Variants in STK3 observed in about 807,000 individuals in gnomAD.
STK3 encodes serine/threonine kinase 3, also known as serine/threonine-protein kinase 3.
Under a neutral mutation model 58.0 loss-of-function variants are expected in STK3, and 41 were observed. The observed-to-expected ratio is 0.71, with a 90% confidence interval of 0.55 to 0.92. The LOEUF (loss-of-function observed/expected upper bound fraction) is 0.92, where lower values mean the gene tolerates loss of function less well. Ranked by LOEUF, STK3 falls within the 40% of genes least tolerant of loss-of-function variation. The pLI, the probability that STK3 is intolerant of heterozygous loss-of-function variation, is 0.00. For missense variants in STK3, 479 were observed against 602.7 expected (o/e 0.79, Z 2.15); for synonymous variants, 170 against 191.0 (o/e 0.89, Z 0.91).
chr8:98,407,769 C>CGT (rs1396083289), intron 3 of STK3, among the ~76,000 whole-genome samples: 3 of 151,258 alleles, frequency 2.0e-5, no homozygotes, highest in Admixed American at 6.6e-5. Flanking sequence ...CGCGCGCGCG[C>CGT]GCATGCATGG....
At chr8:98,906,915 A>T (rs1838925332) in intron 1 of STK3, among the ~76,000 whole-genome samples, 1 of 151,792 alleles carries the variant, frequency 6.6e-6, no homozygotes, top group African/African-American at 2.4e-5. Flanking sequence ...TGGGAGACTA[A>T]GGAGGGAGGA....
intron 3 of STK3, among the ~76,000 whole-genome samples, chr8:98,433,973 C>A (rs917470778): frequency 7.2e-5 from 11 of 152,192 alleles, no homozygotes. Flanking sequence ...AATAAGATCC[C>A]ATTCGACTTC....
intron 10 of STK3, among the ~76,000 whole-genome samples, chr8:98,485,687 C>A (rs1032089062): frequency 2.6e-5 from 4 of 152,024 alleles, no homozygotes; most frequent in African/African-American, 9.7e-5. Context: ...CAAGTAAAGA[C>A]AAAGAAGTAG....
chr8:98,869,396 G>A (rs1837280336), intron 3 of STK3, among the ~76,000 whole-genome samples: 1 of 152,086 alleles, frequency 6.6e-6, no homozygotes, highest in African/African-American at 2.4e-5. Context: ...ACTCCATCCT[G>A]GGCAACAGAG....
the STK3 span, among the ~76,000 whole-genome samples, chr8:98,347,934 G>A: frequency 2.6e-5 from 4 of 152,234 alleles, no homozygotes; most frequent in South Asian, 6.2e-4. Flanking sequence ...TATATGGAGA[G>A]GCAAAAGACC....
intron 10 of STK3, among the ~76,000 whole-genome samples, chr8:98,490,515 C>T (rs1161682181): frequency 2.0e-5 from 3 of 152,152 alleles, no homozygotes; most frequent in African/African-American, 4.8e-5. Context: ...ACAGCTGCAT[C>T]GTATCAGTCT....
chr8:98,654,598 C>T (rs966576748), intron 6 of STK3, among the ~76,000 whole-genome samples: 1 of 152,054 alleles, frequency 6.6e-6, no homozygotes, highest in African/African-American at 2.4e-5. Flanking sequence ...TTGTGTTAGC[C>T]CAAAATCTCC....
chr8:98,622,011 C>G (rs1216278144), intron 6 of STK3, among the ~76,000 whole-genome samples: 1 of 151,148 alleles, frequency 6.6e-6, no homozygotes, highest in African/African-American at 2.4e-5. Flanking sequence ...CGCCTGTAAT[C>G]CCAGTACTTT....
chr8:98,646,923 CG>C (rs1820440628), intron 6 of STK3, among the ~76,000 whole-genome samples: 1 of 152,112 alleles, frequency 6.6e-6, no homozygotes, highest in African/African-American at 2.4e-5. Flanking sequence ...TTGCCCACCC[CG>C]CCCCCACAAT....
At chr8:98,539,811 T>C (rs1425482142) in intron 9 of STK3, among the ~76,000 whole-genome samples, 1 of 152,198 alleles carries the variant, frequency 6.6e-6, no homozygotes, top group African/African-American at 2.4e-5. Flanking sequence ...TGGAGTGCTG[T>C]TGCGGGATCT....
chr8:98,511,234 T>G (rs1026080008), intron 10 of STK3, among the ~76,000 whole-genome samples: 1 of 151,992 alleles, frequency 6.6e-6, no homozygotes, highest in Admixed American at 6.6e-5. Flanking sequence ...TTTTTGAATT[T>G]GAATCACTTC....
downstream of STK3, among the ~76,000 whole-genome samples, chr8:98,369,295 T>A (rs545648273): frequency 3.4e-4 from 52 of 152,354 alleles, 1 homozygote; most frequent in Admixed American, 3.4e-3. Context: ...CCTATCCTAT[T>A]GCTGAAGCCT....
chr8:98,389,549 G>A (rs1817826714), upstream of STK3, among the ~76,000 whole-genome samples: 1 of 152,104 alleles, frequency 6.6e-6, no homozygotes, highest in Non-Finnish European at 1.5e-5. Context: ...AAGGGCATGG[G>A]TGGTGCTAGC....
chr8:98,892,500 T>C (rs1337168073), intron 1 of STK3, among the ~76,000 whole-genome samples: 1 of 152,202 alleles, frequency 6.6e-6, no homozygotes, highest in African/African-American at 2.4e-5. Flanking sequence ...GCTCTGGCCA[T>C]GGCTGACCAC....
chr8:98,375,537 C>T (rs1002486792), intron 2 of STK3, among the ~76,000 whole-genome samples: 2 of 152,208 alleles, frequency 1.3e-5, no homozygotes, highest in African/African-American at 4.8e-5. Flanking sequence ...AAAAGCCCTG[C>T]TGTGCCCTTC....
intron 6 of STK3, among the ~76,000 whole-genome samples, chr8:98,626,640 A>T (rs1485807332): frequency 6.6e-6 from 1 of 152,250 alleles, no homozygotes. Context: ...GCAAATATGA[A>T]GAAATAATTT....
intron 6 of STK3, among the ~76,000 whole-genome samples, chr8:98,603,062 T>C (rs1405282472): frequency 1.3e-5 from 2 of 152,068 alleles, no homozygotes; most frequent in Non-Finnish European, 2.9e-5. Context: ...AATCACAAGG[T>C]TAGCTCTGGG....
chr8:98,584,410 C>A (rs1414277388), intron 7 of STK3, among the ~76,000 whole-genome samples: 1 of 151,878 alleles, frequency 6.6e-6, no homozygotes, highest in Admixed American at 6.6e-5. Context: ...CATCCATGTT[C>A]CTACAAAGGA....
At chr8:98,394,462 C>T (rs913717440) in intron 3 of STK3, among the ~76,000 whole-genome samples, 2 of 151,944 alleles carry the variant, frequency 1.3e-5, no homozygotes, top group African/African-American at 4.8e-5. Flanking sequence ...AGGAGGATCC[C>T]GTAAGTTCAG....
Sources: gnomAD v4.1 joint callset for allele counts (sites outside exome capture counted in the v4.1 genomes callset) on GRCh38, gnomAD v4.1.1 for gene constraint, MANE v1.5 for transcripts, NCBI Gene and HGNC (gene_info 2026-07-23, HGNC 2026-07-21) for gene names.